Variants in EXOC6B observed in about 807,000 individuals in gnomAD.
The protein encoded by EXOC6B is SEC15 homolog B.
In EXOC6B, 54 loss-of-function variants were observed where a neutral mutation model predicts 113.5. That is an observed-to-expected ratio of 0.48 (90% CI 0.38 to 0.60). The LOEUF is 0.60. Among genes scored for constraint, EXOC6B ranks in the 20% least tolerant of loss-of-function variants. The probability of loss-of-function intolerance (pLI) is 0.00; values close to 1 mark genes in which losing one functional copy is unlikely to be tolerated. For synonymous variants in EXOC6B, 357 were observed against 339.0 expected (o/e 1.05, Z -0.58); for missense variants, 797 against 977.5 (o/e 0.82, Z 2.46).
intron 19 of EXOC6B, among the ~76,000 whole-genome samples, chr2:72,356,480 T>C (rs1023828855): frequency 7.2e-5 from 11 of 152,256 alleles, no homozygotes; most frequent in African/African-American, 2.4e-4. Flanking sequence ...TGTAGTGTGC[T>C]ATGATTGCCC....
intron 20 of EXOC6B, among the ~76,000 whole-genome samples, chr2:72,186,528 T>A (rs1416791079): frequency 1.5e-5 from 2 of 133,458 alleles, no homozygotes; most frequent in African/African-American, 6.4e-5. Context: ...ATTAAAATTT[T>A]TTTCACAAAT....
chr2:72,604,615 A>G (rs1009900550), intron 6 of EXOC6B, among the ~76,000 whole-genome samples: 1 of 152,218 alleles, frequency 6.6e-6, no homozygotes, highest in Non-Finnish European at 1.5e-5. Flanking sequence ...CAAGATTTGA[A>G]GGCAAACCAA....
chr2:72,621,298 T>C (rs1038966427), intron 6 of EXOC6B, among the ~76,000 whole-genome samples: 8 of 152,170 alleles, frequency 5.3e-5, no homozygotes, highest in African/African-American at 1.9e-4. Flanking sequence ...ATGTGGTATA[T>C]ATATATCATG....
At chr2:72,357,689 T>TA (rs148273222) in intron 19 of EXOC6B, among the ~76,000 whole-genome samples, 49,115 of 146,626 alleles carry the variant, frequency 0.33, 12,692 homozygotes, top group African/African-American at 0.73. Context: ...AGACTGCCTT[T>TA]AAAAAAAAAA....
chr2:72,653,221 C>A (rs915891747), intron 6 of EXOC6B, among the ~76,000 whole-genome samples: 1 of 150,714 alleles, frequency 6.6e-6, no homozygotes, highest in East Asian at 1.9e-4. Flanking sequence ...GAATACTATG[C>A]AGCCATAAAA....
chr2:72,705,547 C>G lies in EXOC6B; in HGVS notation c.669+12556G>C, dbSNP rs191291188. 1.8e-3 allele frequency among the ~76,000 whole-genome samples: 279 copies of G among 152,212 alleles called. 2 individuals carry two copies. Among genetic ancestry groups the G allele is most frequent in the African/African-American group, 5.7e-3 (235 of 41,548 alleles). ...CATTATCACTGTTCTGTTCTAATGGCTAACTACACACAGAGAGCTCAATGA... is the reference window on the plus strand; with the variant it reads ...CATTATCACTGTTCTGTTCTAATGGGTAACTACACACAGAGAGCTCAATGA... On this transcript the variant is annotated intron_variant, in intron 6 of 21. Transcript: ENST00000272427.
intron 1 of EXOC6B, among the ~76,000 whole-genome samples, chr2:72,779,420 G>A (rs532268314): frequency 3.3e-5 from 5 of 151,686 alleles, no homozygotes; most frequent in African/African-American, 9.7e-5. Context: ...ATATATACAC[G>A]TGTGCATGTG....
chr2:72,752,739 A>G (rs1362297813), intron 1 of EXOC6B, among the ~76,000 whole-genome samples: 1 of 152,138 alleles, frequency 6.6e-6, no homozygotes, highest in Non-Finnish European at 1.5e-5. Flanking sequence ...TTCTTGCTAA[A>G]GTCAATAAAA....
At chr2:72,765,240 G>A (rs1401083509) in intron 1 of EXOC6B, among the ~76,000 whole-genome samples, 1 of 152,080 alleles carries the variant, frequency 6.6e-6, no homozygotes, top group Non-Finnish European at 1.5e-5. Flanking sequence ...AGGCTGTAGT[G>A]AGCTCCAGTA....
intron 19 of EXOC6B, among the ~76,000 whole-genome samples, chr2:72,379,408 G>A (rs913681744): frequency 2.0e-5 from 3 of 152,194 alleles, no homozygotes; most frequent in African/African-American, 7.2e-5. Flanking sequence ...GTTAGAAGCT[G>A]CATTCTTTTG....
intron 19 of EXOC6B, among the ~76,000 whole-genome samples, chr2:72,350,876 G>C (rs988393612): frequency 6.6e-6 from 1 of 152,186 alleles, no homozygotes; most frequent in African/African-American, 2.4e-5. Context: ...AGTGCCAGTA[G>C]GTATGGAGGA....
At chr2:72,412,262 T>C (rs1368684099) in intron 18 of EXOC6B, among the ~76,000 whole-genome samples, 2 of 152,240 alleles carry the variant, frequency 1.3e-5, no homozygotes, top group Non-Finnish European at 2.9e-5. Flanking sequence ...TTATCTGTTA[T>C]AGGCTGAAGG....
intron 18 of EXOC6B, among the ~76,000 whole-genome samples, chr2:72,459,883 A>G (rs1052829059): frequency 2.0e-5 from 3 of 152,320 alleles, no homozygotes; most frequent in South Asian, 2.1e-4. Flanking sequence ...ACCAAAAAAG[A>G]GCCCACATCG....
intron 6 of EXOC6B, among the ~76,000 whole-genome samples, chr2:72,579,473 T>C (rs933693204): frequency 4.6e-5 from 7 of 152,214 alleles, no homozygotes; most frequent in Non-Finnish European, 8.8e-5. Flanking sequence ...AGGGAATTCA[T>C]GTGAAAATGA....
At chr2:72,819,987 AG>A (rs1336978701) in intron 1 of EXOC6B, among the ~76,000 whole-genome samples, 1 of 152,186 alleles carries the variant, frequency 6.6e-6, no homozygotes, top group East Asian at 1.9e-4. Flanking sequence ...TCACGAACCA[AG>A]GATTATGATT....
chr2:72,196,791 C>A (rs1679199211), intron 20 of EXOC6B, among the ~76,000 whole-genome samples: 1 of 152,130 alleles, frequency 6.6e-6, no homozygotes, highest in Non-Finnish European at 1.5e-5. Context: ...CCTTTCAATT[C>A]TATTTACTAA....
At chr2:72,669,680 A>G (rs1675657167) in intron 6 of EXOC6B, among the ~76,000 whole-genome samples, 1 of 152,248 alleles carries the variant, frequency 6.6e-6, no homozygotes, top group African/African-American at 2.4e-5. Context: ...GGATCTCTAT[A>G]CAGTCTGTGT....
chr2:72,318,431 T>C (rs960027455), intron 20 of EXOC6B, among the ~76,000 whole-genome samples: 5 of 152,024 alleles, frequency 3.3e-5, no homozygotes, highest in African/African-American at 1.2e-4. Context: ...TCTGGCTCTG[T>C]TGCCCAGGCT....
intron 11 of EXOC6B, among the ~76,000 whole-genome samples, chr2:72,511,364 T>G (rs1026244978): frequency 6.6e-6 from 1 of 152,146 alleles, no homozygotes; most frequent in African/African-American, 2.4e-5. Context: ...ACCATTCACC[T>G]AAGCATTTCC....
Sources: allele counts gnomAD v4.1 joint callset (sites outside exome capture counted in the v4.1 genomes callset), GRCh38; gene constraint gnomAD v4.1.1; transcripts MANE v1.5; gene names NCBI Gene and HGNC (gene_info 2026-07-23, HGNC 2026-07-21).